The following NAV3 variants were observed in gnomAD, a reference collection of about 807,000 sequenced individuals.
NAV3 encodes the protein neuron navigator 3.
In NAV3, 87 loss-of-function variants were observed where a neutral mutation model predicts 244.7. The ratio of observed to expected loss-of-function variants is 0.36; its 90% CI spans 0.30 to 0.42. The LOEUF is 0.42. Among genes scored for constraint, NAV3 ranks in the 20% least tolerant of loss-of-function variants. The pLI, the probability that NAV3 is intolerant of heterozygous loss-of-function variation, is 1.00. For missense variants in NAV3, 2,663 were observed against 2,893.3 expected (o/e 0.92, Z 1.83); for synonymous variants, 1,126 against 1,042.2 (o/e 1.08, Z -1.55).
chr12:78,064,408 T>TGTCC (rs1884721842), intron 12 of NAV3, among the ~76,000 whole-genome samples: 1 of 136,064 alleles, frequency 7.3e-6, no homozygotes, highest in Non-Finnish European at 1.6e-5. Context: ...TCTGTCTGTC[T>TGTCC]GTCTGTCTGT....
rs557465131 is a variant in NAV3, at chr12:77,821,005, T to G, written c.73-119314T>G. On this transcript the variant is annotated intron_variant, in intron 2 of 8. Transcript: ENST00000550042. ...GTAGGTTGAAAAAGAGGTATCTAGC[T>G]GAATCTCTCAATATTCCTCTCTCTC... Among the ~76,000 whole-genome samples, 4 of 152,186 alleles carry G rather than the reference T, an allele frequency of 2.6e-5. No homozygotes were observed. In the South Asian group the frequency reaches 8.3e-4, roughly 32 times the overall value.
At chr12:77,999,201 A>G (rs1448502444) in intron 7 of NAV3, among the ~76,000 whole-genome samples, 3 of 152,224 alleles carry the variant, frequency 2.0e-5, no homozygotes, top group Admixed American at 6.5e-5. Flanking sequence ...CACCTCAATC[A>G]TGAGGAAGTG....
At chr12:77,927,076 C>A (rs1593020714) in intron 1 of NAV3, among the ~76,000 whole-genome samples, 1 of 152,316 alleles carries the variant, frequency 6.6e-6, no homozygotes, top group East Asian at 1.9e-4. Context: ...CAGACTGATA[C>A]AAGAAGAAGT....
chr12:77,873,218 A>G (rs1049815333), intron 1 of NAV3, among the ~76,000 whole-genome samples: 3 of 152,214 alleles, frequency 2.0e-5, no homozygotes, highest in Non-Finnish European at 2.9e-5. Context: ...TTCTAAATAA[A>G]TTACCCCATC....
At chr12:77,663,098 C>T (rs1399414562) in intron 2 of NAV3, among the ~76,000 whole-genome samples, 1 of 152,138 alleles carries the variant, frequency 6.6e-6, no homozygotes. Flanking sequence ...ACATTAAGCA[C>T]AAATCTTTTT....
At chr12:77,702,554 A>G (rs1289627196) in intron 2 of NAV3, among the ~76,000 whole-genome samples, 1 of 151,958 alleles carries the variant, frequency 6.6e-6, no homozygotes, top group East Asian at 1.9e-4. Flanking sequence ...TCATAAAAAC[A>G]GATTTGAATT....
At chr12:78,079,674 C>A (rs1953247071) in intron 12 of NAV3, among the ~76,000 whole-genome samples, 3 of 152,084 alleles carry the variant, frequency 2.0e-5, no homozygotes, top group Non-Finnish European at 2.9e-5. Context: ...ACAAATAAGA[C>A]AATAAACAGG....
chr12:78,071,824 T>C (rs1453315178), intron 12 of NAV3, among the ~76,000 whole-genome samples: 4 of 152,130 alleles, frequency 2.6e-5, no homozygotes, highest in African/African-American at 9.7e-5. Flanking sequence ...ACAGAAATTA[T>C]AACAAACTAT....
rs141070432 is a variant in NAV3, at chr12:77,807,201, A to T, written c.73-133118A>T. ...TTTAACGTTAATATCGACATGTGTG[A>T]ATTTGATCCTGTCATTATGATGCTA... On this transcript the variant is annotated intron_variant, in intron 2 of 8. Coordinates refer to the NAV3 transcript ENST00000550042. Among the ~76,000 whole-genome samples, 172 of 152,290 alleles carry T rather than the reference A, an allele frequency of 1.1e-3. 1 individual carries two copies. Among genetic ancestry groups the T allele is most frequent in the African/African-American group, 4.0e-3 (165 of 41,576 alleles).
At chr12:77,808,719 T>C (rs1335798468) in intron 2 of NAV3, among the ~76,000 whole-genome samples, 2 of 152,356 alleles carry the variant, frequency 1.3e-5, no homozygotes, top group African/African-American at 4.8e-5. Flanking sequence ...GGAGACCTGC[T>C]GCTCTCTTCA....
intron 1 of NAV3, among the ~76,000 whole-genome samples, chr12:77,908,215 CAT>C (rs1886203172): frequency 6.6e-6 from 1 of 152,150 alleles, no homozygotes; most frequent in Admixed American, 6.5e-5. Context: ...TTTATTTTCA[CAT>C]AGACTACTAA....
chr12:77,590,805 G>A (rs139237677), intron 2 of NAV3, among the ~76,000 whole-genome samples: 13 of 152,316 alleles, frequency 8.5e-5, no homozygotes, highest in Admixed American at 2.6e-4. Context: ...AGGTTGTAGC[G>A]TCCTACAGAT....
chr12:78,081,254 G>C (rs1953335238), intron 12 of NAV3, among the ~76,000 whole-genome samples: 2 of 152,118 alleles, frequency 1.3e-5, no homozygotes, highest in South Asian at 4.1e-4. Flanking sequence ...TTCTTTTCTT[G>C]AAAGAATCTC....
At chr12:77,840,233 CAA>C (rs1875407030) in intron 1 of NAV3, among the ~76,000 whole-genome samples, 1 of 152,024 alleles carries the variant, frequency 6.6e-6, no homozygotes, top group African/African-American at 2.4e-5. Context: ...AGGATGCAAC[CAA>C]GAGAGATGAG....
intron 2 of NAV3, among the ~76,000 whole-genome samples, chr12:77,593,280 C>CTGTG (rs10538987): frequency 0.18 from 26,983 of 148,946 alleles, 2,546 homozygotes; most frequent in Admixed American, 0.23. Flanking sequence ...GTATGTGTGT[C>CTGTG]TGTGTGTGTG....
At chr12:77,774,698 T>G (rs1243645507) in intron 2 of NAV3, among the ~76,000 whole-genome samples, 1 of 152,216 alleles carries the variant, frequency 6.6e-6, no homozygotes. Context: ...GGTCAATTCC[T>G]GAAAGCAGAT....
intron 1 of NAV3, among the ~76,000 whole-genome samples, chr12:77,918,044 A>T (rs900466059): frequency 1.4e-4 from 21 of 152,170 alleles, no homozygotes; most frequent in African/African-American, 4.6e-4. Flanking sequence ...CAACAAATTT[A>T]AAAAAGTCCA....
intron 32 of NAV3, 114 bp from the exon 33 acceptor site, chr12:78,188,495 A>G: frequency 8.3e-7 from 1 of 1,200,204 alleles, no homozygotes; most frequent in Admixed American, 2.3e-5. Context: ...CAGTTCTTAT[A>G]TTACCCATTT....
intron 3 of NAV3, among the ~76,000 whole-genome samples, chr12:77,945,937 T>A (rs942190544): frequency 3.3e-5 from 5 of 151,428 alleles, no homozygotes; most frequent in Non-Finnish European, 5.9e-5. Context: ...TTTTTTAATT[T>A]TTAGTAGAGA....
Sources: allele counts gnomAD v4.1 joint callset (sites outside exome capture counted in the v4.1 genomes callset), GRCh38; gene constraint gnomAD v4.1.1; transcripts MANE v1.5; gene names NCBI Gene and HGNC (gene_info 2026-07-23, HGNC 2026-07-21).